NSMAF: variants seen among roughly 807,000 people sequenced by gnomAD.
NSMAF encodes the protein protein FAN.
NSMAF carries 90 observed loss-of-function variants against 134.9 expected under a neutral mutation model. That is an observed-to-expected ratio of 0.67 (90% confidence interval 0.56 to 0.79). NSMAF has a LOEUF of 0.79. Among genes scored for constraint, NSMAF ranks in the 30% least tolerant of loss-of-function variants. NSMAF has a pLI of 0.00. For missense variants in NSMAF, 1,010 were observed against 1,119.0 expected (o/e 0.90, Z 1.39); for synonymous variants, 358 against 389.6 (o/e 0.92, Z 0.96).
At chr8:58,655,743 T>C (rs1022009018) in intron 1 of NSMAF, among the ~76,000 whole-genome samples, 7 of 151,576 alleles carry the variant, frequency 4.6e-5, no homozygotes, top group African/African-American at 1.7e-4. Context: ...CCGTCTCTAC[T>C]AAAAATACAA....
chr8:58,621,385 C>T (rs1471341383), intron 9 of NSMAF, among the ~76,000 whole-genome samples: 1 of 152,072 alleles, frequency 6.6e-6, no homozygotes, highest in Admixed American at 6.6e-5. Flanking sequence ...TATGTCTTTG[C>T]TATTAATATT....
At chr8:58,617,516 T>C (rs1806687847) in intron 9 of NSMAF, among the ~76,000 whole-genome samples, 1 of 152,152 alleles carries the variant, frequency 6.6e-6, no homozygotes, top group Admixed American at 6.5e-5. Context: ...GAACAGACAC[T>C]TATCAAAAGA....
At chr8:58,598,970 A>T (rs1237621779) in intron 19 of NSMAF, among the ~76,000 whole-genome samples, 1 of 152,104 alleles carries the variant, frequency 6.6e-6, no homozygotes, top group Non-Finnish European at 1.5e-5. Flanking sequence ...AGGTTGCAGT[A>T]AGCCAAGATT....
Position 58,602,117 on chromosome 8 carries a change from A to C in NSMAF, c.1066T>G (p.Phe356Val). 6.2e-7 allele frequency: 1 copy of C among 1,613,542 alleles called. No individual in the cohort carries two copies. The highest frequency in any genetic ancestry group is 8.5e-7 in the Non-Finnish European group (1 of 1,179,562). Residue 356 changes from phenylalanine to valine, a missense_variant, in exon 14 of 31, where the codon TTC (phenylalanine) becomes GTC (valine). Phe to Val is a conservative substitution (Grantham distance 50, BLOSUM62 -1). Coordinates refer to ENST00000038176, the MANE Select transcript of NSMAF (RefSeq NM_003580.4). ...SELDLSNPGT[F>V]RDLSKPVGAL... Reference sequence around the variant, plus strand: ...CCTACTGGCTTACTGAGATCCCGGAAGGTTCCTGGATTTGACAAATCTATA... The same window carrying C: ...CCTACTGGCTTACTGAGATCCCGGACGGTTCCTGGATTTGACAAATCTATA...
chr8:58,612,434 T>C (rs1029048844), intron 9 of NSMAF, among the ~76,000 whole-genome samples: 1 of 152,208 alleles, frequency 6.6e-6, no homozygotes. Flanking sequence ...TATCACCCTA[T>C]GCATCTTCTC....
chr8:58,640,988 C>T (rs1360065889), intron 2 of NSMAF, among the ~76,000 whole-genome samples: 2 of 152,122 alleles, frequency 1.3e-5, no homozygotes, highest in African/African-American at 4.8e-5. Context: ...GTGGCATGAT[C>T]CTGGCTCACT....
rs530534057 is a variant in NSMAF, at chr8:58,591,082, G to T, written c.1952-148C>A. The stretch of plus-strand genomic sequence containing the variant: ...TTATGGAAAACCGAATGTAAACAGA[G>T]CTAGATGACCTAAGGCCTCATCCAA... On this transcript the variant is annotated intron_variant, in intron 23 of 30. Coordinates refer to ENST00000038176, the MANE Select transcript of NSMAF (RefSeq NM_003580.4). The T allele has an allele frequency of 4.4e-6, 4 of 900,610 alleles. No individual in the cohort carries two copies. The East Asian group carries it at 1.4e-4, about 32-fold the overall frequency. The allele number at this position is 900,610 out of a possible 1,614,324, so 55.8% of individuals were successfully genotyped here.
intron 1 of NSMAF, among the ~76,000 whole-genome samples, chr8:58,644,581 G>A (rs1807401917): frequency 6.6e-6 from 1 of 152,208 alleles, no homozygotes; most frequent in African/African-American, 2.4e-5. Flanking sequence ...TCTAGAACTA[G>A]AAATACCATT....
At chr8:58,601,930 G>GA (rs1196992946) in intron 14 of NSMAF, 128 bp downstream of exon 14, 3 of 700,496 alleles carry the variant, frequency 4.3e-6, no homozygotes, top group East Asian at 2.7e-5. Flanking sequence ...AGAAAAGTAA[G>GA]AAAAAACTCT....
chr8:58,616,894 C>T (rs964902424), intron 9 of NSMAF, among the ~76,000 whole-genome samples: 6 of 151,802 alleles, frequency 4.0e-5, no homozygotes, highest in African/African-American at 1.5e-4. Context: ...GTATACAAGG[C>T]CAATTAAAAA....
intron 1 of NSMAF, among the ~76,000 whole-genome samples, chr8:58,645,206 C>A (rs1460881794): frequency 6.6e-6 from 1 of 151,640 alleles, no homozygotes; most frequent in East Asian, 1.9e-4. Context: ...AGGGCAGTAG[C>A]CCCCAATTCT....
rs1272101882 is a variant in NSMAF, at chr8:58,597,911, G to C, written c.1586-9C>G. On this transcript the variant is annotated splice_polypyrimidine_tract_variant and intron_variant, in intron 19 of 30. Transcript: ENST00000038176. ...GGTCAGGGGATGAAATACTGAAAAA[G>C]ACATACAAAACACTATTGAAAGATG... is the stretch of plus-strand genomic sequence containing the variant. The C allele has an allele frequency of 6.3e-7, 1 of 1,598,300 alleles. No individual in the cohort carries two copies. The highest frequency in any genetic ancestry group is 1.7e-5 in the Admixed American group (1 of 59,930).
At chr8:58,629,604 C>T (rs1807011523) in intron 6 of NSMAF, among the ~76,000 whole-genome samples, 1 of 127,674 alleles carries the variant, frequency 7.8e-6, no homozygotes, top group Non-Finnish European at 1.6e-5. Flanking sequence ...TAATTTTGTG[C>T]TAATATCCAC....
rs752999551 is a variant in NSMAF at position 58,635,244 on chromosome 8, T to A, written c.297-19A>T. The A allele has an allele frequency of 1.9e-6, 3 of 1,610,374 alleles. No individual in the cohort carries two copies. The highest frequency in any genetic ancestry group is 2.5e-6 in the Non-Finnish European group (3 of 1,177,146). On this transcript the variant is annotated intron_variant, in intron 4 of 30. Transcript: ENST00000038176. ...TTTTGCCCTAAAATACAGATAAAAG[T>A]CATTAAATATATACAGCTTTTTGGT...
At chr8:58,648,431 G>C (rs945203455) in intron 1 of NSMAF, among the ~76,000 whole-genome samples, 3 of 152,200 alleles carry the variant, frequency 2.0e-5, no homozygotes, top group African/African-American at 4.8e-5. Context: ...AATTCAAGCC[G>C]GCTATGGAGT....
At chr8:58,659,171 G>T in intron 1 of NSMAF, 1 of 1,412,786 alleles carries the variant, frequency 7.1e-7, no homozygotes, top group African/African-American at 1.5e-5. Context: ...TAGAAAGGGG[G>T]TGCCCGCCGG....
intron 6 of NSMAF, among the ~76,000 whole-genome samples, chr8:58,625,375 T>C (rs1433243776): frequency 6.6e-6 from 1 of 152,108 alleles, no homozygotes; most frequent in African/African-American, 2.4e-5. Context: ...GGTGTATATG[T>C]CTGTATATAT....
rs557093986 is a variant in NSMAF at position 58,597,785 on chromosome 8, A to G, written c.1628+75T>C. 6.1e-6 allele frequency: 7 copies of G among 1,140,964 alleles called. No homozygotes were observed. The East Asian group carries it at 1.6e-4, about 27-fold the overall frequency. The allele number at this position is 1,140,964 out of a possible 1,614,324, so 70.7% of individuals were successfully genotyped here. A position where few individuals can be genotyped will look rare whatever the true frequency, so the allele number is the denominator to read the frequency against. On this transcript the variant is annotated intron_variant, in intron 20 of 30. Transcript: ENST00000038176. ...TAAAATTTCCATACCTCAACCTTCAAATAAATACATTAATAATTTAGATAA... is the reference window on the plus strand; with the variant it reads ...TAAAATTTCCATACCTCAACCTTCAGATAAATACATTAATAATTTAGATAA...
intron 6 of NSMAF, among the ~76,000 whole-genome samples, chr8:58,624,167 G>T (rs754557057): frequency 6.7e-6 from 1 of 148,484 alleles, no homozygotes; most frequent in Non-Finnish European, 1.5e-5. Context: ...TCAGCCTCCC[G>T]AGTAGCTGGG....
Sources: allele counts gnomAD v4.1 joint callset (sites outside exome capture counted in the v4.1 genomes callset), GRCh38; gene constraint gnomAD v4.1.1; transcripts MANE v1.5; gene names NCBI Gene and HGNC (gene_info 2026-07-23, HGNC 2026-07-21).